The following TMEM236 variants were observed in gnomAD, a reference collection of about 807,000 sequenced individuals.
The protein encoded by TMEM236 is family with sequence similarity 23, member A.
In TMEM236, 11 loss-of-function variants were observed where a neutral mutation model predicts 14.7. The ratio of observed to expected loss-of-function variants is 0.75; its 90% confidence interval spans 0.47 to 1.24. TMEM236 has a LOEUF of 1.24. Ranked by LOEUF, TMEM236 falls within the 50% of genes most tolerant of loss-of-function variation. The pLI, the probability that TMEM236 is intolerant of heterozygous loss-of-function variation, is 0.00. For synonymous variants in TMEM236, 182 were observed against 168.6 expected (o/e 1.08, Z -0.62); for missense variants, 464 against 427.3 (o/e 1.09, Z -0.76).
chr10:17,788,588 A>C (rs1303509003), intron 3 of TMEM236, among the ~76,000 whole-genome samples: 5 of 145,540 alleles, frequency 3.4e-5, no homozygotes, highest in African/African-American at 1.0e-4. Context: ...CCATCTCTAC[A>C]AAAAAAAAAA....
chr10:17,783,477 A>G (rs1837787194), intron 3 of TMEM236, among the ~76,000 whole-genome samples: 1 of 152,124 alleles, frequency 6.6e-6, no homozygotes, highest in African/African-American at 2.4e-5. Flanking sequence ...TTGGCAGGGT[A>G]AGGTTTTCAA....
chr10:17,786,803 C>T (rs1485135434), intron 3 of TMEM236, among the ~76,000 whole-genome samples: 1 of 152,178 alleles, frequency 6.6e-6, no homozygotes, highest in Admixed American at 6.5e-5. Context: ...TCCCAGAATT[C>T]TCACATGTTG....
At chr10:17,766,629 T>G (rs1395204901) in intron 1 of TMEM236, among the ~76,000 whole-genome samples, 1 of 152,204 alleles carries the variant, frequency 6.6e-6, no homozygotes, top group Non-Finnish European at 1.5e-5. Context: ...CCAAAGCCAC[T>G]TCTACATCTT....
rs2130543579 is a variant in TMEM236, at chr10:17,797,800, A to G, written c.*1296A>G. The G allele has an allele frequency of 6.6e-6, 1 of 152,330 alleles. No individual in the cohort carries two copies. Among genetic ancestry groups the G allele is most frequent in the African/African-American group, 2.4e-5 (1 of 41,586 alleles). The allele number at this position is 152,330 out of a possible 1,614,324, so 9.4% of individuals were successfully genotyped here. On this transcript the variant is annotated 3_prime_UTR_variant, in exon 4 of 4. Coordinates refer to ENST00000377495, the MANE Select transcript of TMEM236 (RefSeq NM_001098844.3). ...AGTACTAATATGAGTGTTGTTTAGT[A>G]TAATGAAGTCAAGGTACATCAGTAA...
In TMEM236 at chr10:17,762,574, CATATATATATATATATATATATATAT is replaced by C. The variant is rs878958449; in HGVS notation, c.258-8715_258-8690del. On this transcript the variant is annotated intron_variant, in intron 1 of 3. Coordinates refer to ENST00000377495, the MANE Select transcript of TMEM236 (RefSeq NM_001098844.3). Reference sequence around the variant, plus strand: ...GGTATATATTTACCTATCTGAATTTCATATATATATATATATATATATATATATATATATATATATATATACACACA... The same window carrying C: ...GGTATATATTTACCTATCTGAATTTCATATATATATATATATATACACACA... 2.6e-3 allele frequency among the ~76,000 whole-genome samples: 139 copies of C among 53,064 alleles called. 5 individuals carry two copies. Among genetic ancestry groups the C allele is most frequent in the African/African-American group, 6.8e-3 (113 of 16,526 alleles). 34.8% of individuals were successfully genotyped at this position (53,064 alleles called of 152,430 possible).
intron 2 of TMEM236, among the ~76,000 whole-genome samples, chr10:17,772,569 G>A (rs941927254): frequency 2.0e-5 from 3 of 152,010 alleles, no homozygotes; most frequent in Non-Finnish European, 4.4e-5. Context: ...CTCTTCCATT[G>A]TTACATCTTT....
intron 1 of TMEM236, among the ~76,000 whole-genome samples, chr10:17,758,128 T>G (rs1185387107): frequency 1.3e-5 from 2 of 152,234 alleles, no homozygotes; most frequent in African/African-American, 4.8e-5. Flanking sequence ...CATTTGGCTC[T>G]TATAATATAT....
intron 3 of TMEM236, among the ~76,000 whole-genome samples, chr10:17,778,791 A>G (rs1837698759): frequency 3.3e-5 from 5 of 152,318 alleles, no homozygotes; most frequent in African/African-American, 1.2e-4. Context: ...CAAAACTTTT[A>G]TCTTTGTGTA....
chr10:17,788,468 G>A (rs1837871846), intron 3 of TMEM236, among the ~76,000 whole-genome samples: 1 of 151,500 alleles, frequency 6.6e-6, no homozygotes, highest in Non-Finnish European at 1.5e-5. Flanking sequence ...ACCATCCAGT[G>A]GGCTGGGCAT....
At chr10:17,789,915 T>C (rs1425925719) in intron 3 of TMEM236, among the ~76,000 whole-genome samples, 1 of 151,876 alleles carries the variant, frequency 6.6e-6, no homozygotes, top group Non-Finnish European at 1.5e-5. Flanking sequence ...TCCCAGCTAC[T>C]CGGGAGGCTG....
chr10:17,784,642 A>C (rs1161828483), intron 3 of TMEM236, among the ~76,000 whole-genome samples: 1 of 152,202 alleles, frequency 6.6e-6, no homozygotes, highest in African/African-American at 2.4e-5. Flanking sequence ...CCCAGGCACT[A>C]CTAATTTTTA....
In TMEM236 at chr10:17,796,930, C is replaced by T. The variant is rs970728796; in HGVS notation, c.*426C>T. Reference sequence around the variant, plus strand: ...ATTAGATCCTCATAGGAGCCCAAACCCTATTGTGAACTGCGTATGCAAGGG... The same window carrying T: ...ATTAGATCCTCATAGGAGCCCAAACTCTATTGTGAACTGCGTATGCAAGGG... On this transcript the variant is annotated 3_prime_UTR_variant, in exon 4 of 4. Transcript: ENST00000377495. 2.7e-5 allele frequency: 6 copies of T among 221,342 alleles called. No homozygotes were observed. The Admixed American group carries it at 3.2e-4, about 12-fold the overall frequency. 13.7% of individuals were successfully genotyped at this position (221,342 alleles called of 1,614,324 possible).
At chr10:17,765,798 G>A (rs1306820187) in intron 1 of TMEM236, among the ~76,000 whole-genome samples, 1 of 152,196 alleles carries the variant, frequency 6.6e-6, no homozygotes, top group Non-Finnish European at 1.5e-5. Context: ...TCTGCCCTGT[G>A]GTTTTAAGTT....
Position 17,776,150 on chromosome 10 carries a change from C to G in TMEM236, c.452C>G (p.Pro151Arg). Reference sequence around the variant, plus strand: ...ATTATTGAAAAACTCAGGATATATCCTCTTAGAGGGAGTCAAAAGAGTAAG... The same window carrying G: ...ATTATTGAAAAACTCAGGATATATCGTCTTAGAGGGAGTCAAAAGAGTAAG... ...VDIIEKLRIYPLRGSQKSSEN... is the reference protein window; with the variant it reads ...VDIIEKLRIYRLRGSQKSSEN... The change falls in exon 3 of 4, where the codon CCT (proline) becomes CGT (arginine). Residue 151 changes from proline to arginine, a missense_variant. Physicochemically the swap from Pro to Arg is moderately radical, Grantham distance 103 (BLOSUM62 -2). Transcript: ENST00000377495. The G allele has an allele frequency of 6.2e-7, 1 of 1,613,178 alleles. No individual in the cohort carries two copies. Among genetic ancestry groups the G allele is most frequent in the Non-Finnish European group, 8.5e-7 (1 of 1,179,276 alleles).
intron 3 of TMEM236, among the ~76,000 whole-genome samples, chr10:17,779,943 G>C (rs1837720500): frequency 6.6e-6 from 1 of 152,154 alleles, no homozygotes; most frequent in East Asian, 1.9e-4. Context: ...GCTTTAGACT[G>C]ACTTCCTTTC....
intron 1 of TMEM236, among the ~76,000 whole-genome samples, chr10:17,753,492 T>C (rs1170569677): frequency 1.3e-5 from 2 of 152,142 alleles, no homozygotes; most frequent in Non-Finnish European, 2.9e-5. Flanking sequence ...AATGAGAACA[T>C]GTGGGATTTG....
intron 3 of TMEM236, among the ~76,000 whole-genome samples, chr10:17,795,362 T>G (rs1837994423): frequency 6.6e-6 from 1 of 152,208 alleles, no homozygotes; most frequent in South Asian, 2.1e-4. Context: ...TTCTTTAACC[T>G]CTCAAGCCCG....
intron 1 of TMEM236, among the ~76,000 whole-genome samples, chr10:17,768,726 C>CGTGTGTGTGTGT (rs1420008913): frequency 5.7e-5 from 7 of 122,548 alleles, no homozygotes; most frequent in Admixed American, 1.5e-4. Flanking sequence ...GTATACAACT[C>CGTGTGTGTGTGT]ATGTGTGTGT....
chr10:17,770,622 A>ATCCAC (rs1554834719), intron 1 of TMEM236, among the ~76,000 whole-genome samples: 1 of 152,172 alleles, frequency 6.6e-6, no homozygotes, highest in African/African-American at 2.4e-5. Flanking sequence ...TGACCTCGTG[A>ATCCAC]TCCACCTGCC....
Sources: gnomAD v4.1 joint callset for allele counts (sites outside exome capture counted in the v4.1 genomes callset) on GRCh38, gnomAD v4.1.1 for gene constraint, MANE v1.5 for transcripts, NCBI Gene and HGNC (gene_info 2026-07-23, HGNC 2026-07-21) for gene names.